PTPRJ: variants seen among roughly 807,000 people sequenced by gnomAD.
PTPRJ encodes receptor-type tyrosine-protein phosphatase eta.
In PTPRJ, 129 loss-of-function variants were observed where a neutral mutation model predicts 141.3. That is an observed-to-expected ratio of 0.91 (90% CI 0.79 to 1.06). The LOEUF (loss-of-function observed/expected upper bound fraction) is 1.06, where lower values mean the gene tolerates loss of function less well. PTPRJ is among the 50% of genes least tolerant of loss of function. PTPRJ has a pLI of 0.00. For missense variants in PTPRJ, 1,601 were observed against 1,679.7 expected (o/e 0.95, Z 0.82); for synonymous variants, 610 against 640.5 (o/e 0.95, Z 0.72).
chr11:47,984,307 T>C (rs1853990381), intron 1 of PTPRJ, among the ~76,000 whole-genome samples: 1 of 152,196 alleles, frequency 6.6e-6, no homozygotes, highest in Admixed American at 6.5e-5. Context: ...TGAACAACCG[T>C]AGGCCTGGGT....
intron 1 of PTPRJ, among the ~76,000 whole-genome samples, chr11:48,074,962 G>T (rs1855361486): frequency 6.6e-6 from 1 of 152,122 alleles, no homozygotes; most frequent in Non-Finnish European, 1.5e-5. Flanking sequence ...AAGGGGAAGT[G>T]ATGGCTGTCA....
intron 23 of PTPRJ, among the ~76,000 whole-genome samples, 183 bp downstream of exon 23, chr11:48,163,801 G>C (rs1857844502): frequency 6.6e-6 from 1 of 152,188 alleles, no homozygotes; most frequent in Non-Finnish European, 1.5e-5. Context: ...TTGGCAAACT[G>C]TAACCCATGG....
At chr11:48,070,130 T>C (rs912472498) in intron 1 of PTPRJ, among the ~76,000 whole-genome samples, 3 of 152,186 alleles carry the variant, frequency 2.0e-5, no homozygotes, top group African/African-American at 7.2e-5. Context: ...GGGCATCCAA[T>C]AAAATATGGT....
rs960845297 is a variant in PTPRJ, at chr11:48,163,621, A to G, written c.3719+3A>G. The stretch of plus-strand genomic sequence containing the variant: ...TCGCCGATTCTGGTGCATTGCAGGT[A>G]CGCAGATGGCACGTCACGTGTGACA... On this transcript the variant is annotated splice_donor_region_variant and intron_variant, in intron 23 of 24. Transcript: ENST00000418331. 2 of 1,611,008 alleles carry G rather than the reference A, an allele frequency of 1.2e-6. No individual in the cohort carries two copies. The highest frequency in any genetic ancestry group is 1.7e-6 in the Non-Finnish European group (2 of 1,177,094).
At chr11:48,064,777 C>T (rs904813752) in intron 1 of PTPRJ, among the ~76,000 whole-genome samples, 2 of 151,296 alleles carry the variant, frequency 1.3e-5, no homozygotes, top group African/African-American at 2.4e-5. Flanking sequence ...AACTGAGTCT[C>T]GCCCATCTAA....
chr11:48,033,177 G>T (rs1854031056), intron 1 of PTPRJ, among the ~76,000 whole-genome samples: 1 of 152,174 alleles, frequency 6.6e-6, no homozygotes, highest in East Asian at 1.9e-4. Context: ...GCCCCTCCTG[G>T]TGGGGGGCCA....
Position 47,998,975 on chromosome 11 carries a change from A to T in PTPRJ, c.96+17967A>T, listed in dbSNP as rs375390830. Reference sequence around the variant, plus strand: ...CTTATGGTCTGACTAGCCTCAAGCCAGCTGAGCTCATTGCCATGCAACTTG... The same window carrying T: ...CTTATGGTCTGACTAGCCTCAAGCCTGCTGAGCTCATTGCCATGCAACTTG... On this transcript the variant is annotated intron_variant, in intron 1 of 24. Transcript: ENST00000418331. 1.6e-4 allele frequency among the ~76,000 whole-genome samples: 24 copies of T among 152,358 alleles called. 3 individuals carry two copies. The highest frequency in any genetic ancestry group is 1.2e-3 in the Admixed American group (18 of 15,306).
In PTPRJ at chr11:48,110,096, C is replaced by G. The variant is rs1157218330; in HGVS notation, c.115+20C>G. 1 of 1,611,634 alleles carries G rather than the reference C, an allele frequency of 6.2e-7. No homozygotes were observed. The highest frequency in any genetic ancestry group is 2.2e-5 in the East Asian group (1 of 44,866). ...GTGGCAGTGAGTACCCTTTTCCTCT[C>G]TATTCTTGTGTTGTTCGCTACTGCC... On this transcript the variant is annotated intron_variant, in intron 2 of 24. Coordinates refer to ENST00000418331, the MANE Select transcript of PTPRJ (RefSeq NM_002843.4).
intron 2 of PTPRJ, among the ~76,000 whole-genome samples, chr11:48,110,522 G>C (rs1856412608): frequency 6.6e-6 from 1 of 152,176 alleles, no homozygotes; most frequent in African/African-American, 2.4e-5. Flanking sequence ...AGAAGTAGGA[G>C]TGAGGGTGGA....
chr11:48,027,470 TCCCC>T (rs952878599), intron 1 of PTPRJ, among the ~76,000 whole-genome samples: 4 of 151,558 alleles, frequency 2.6e-5, no homozygotes, highest in African/African-American at 9.7e-5. Flanking sequence ...TGGAACTGAA[TCCCC>T]TCCCTGTTCC....
intron 1 of PTPRJ, among the ~76,000 whole-genome samples, chr11:48,098,482 T>G (rs1392223659): frequency 1.3e-5 from 2 of 152,066 alleles, no homozygotes; most frequent in Non-Finnish European, 2.9e-5. Context: ...CCATCCTCTG[T>G]TGCCAGTGGA....
intron 1 of PTPRJ, among the ~76,000 whole-genome samples, chr11:48,094,923 T>C (rs1474764989): frequency 6.6e-6 from 1 of 152,116 alleles, no homozygotes; most frequent in Non-Finnish European, 1.5e-5. Flanking sequence ...CTTTCTGCCA[T>C]GTGAATCTTT....
At chr11:48,126,801 C>T (rs1490566954) in intron 6 of PTPRJ, among the ~76,000 whole-genome samples, 3 of 140,454 alleles carry the variant, frequency 2.1e-5, no homozygotes, top group East Asian at 2.1e-4. Flanking sequence ...CACACACACA[C>T]ACACACACAC....
At chr11:47,989,105 G>T (rs945847319) in intron 1 of PTPRJ, among the ~76,000 whole-genome samples, 1 of 150,746 alleles carries the variant, frequency 6.6e-6, no homozygotes, top group Admixed American at 6.6e-5. Flanking sequence ...GGATGGTCTC[G>T]ATCTCCTGAC....
At chr11:48,017,945 G>C (rs1854992708) in intron 1 of PTPRJ, among the ~76,000 whole-genome samples, 1 of 152,190 alleles carries the variant, frequency 6.6e-6, no homozygotes, top group East Asian at 1.9e-4. Context: ...ATGTAAATTA[G>C]TTCCTGCAAA....
At chr11:48,090,378 G>A (rs1855836521) in intron 1 of PTPRJ, among the ~76,000 whole-genome samples, 1 of 152,218 alleles carries the variant, frequency 6.6e-6, no homozygotes, top group Admixed American at 6.5e-5. Flanking sequence ...GCTCACACTG[G>A]TCTTGAAGGG....
intron 1 of PTPRJ, among the ~76,000 whole-genome samples, chr11:48,063,117 C>T (rs986513844): frequency 2.6e-5 from 4 of 152,146 alleles, no homozygotes; most frequent in Admixed American, 1.3e-4. Context: ...CACCTGAGGT[C>T]GGGAGTTTGA....
chr11:48,037,887 C>T (rs1854167671), intron 1 of PTPRJ, among the ~76,000 whole-genome samples: 1 of 151,986 alleles, frequency 6.6e-6, no homozygotes, highest in South Asian at 2.1e-4. Context: ...TACCTGCCAT[C>T]TCCTTTTCAC....
At chr11:48,052,694 G>A (rs1854605914) in intron 1 of PTPRJ, among the ~76,000 whole-genome samples, 1 of 152,168 alleles carries the variant, frequency 6.6e-6, no homozygotes, top group Non-Finnish European at 1.5e-5. Context: ...ACAGAGAAGA[G>A]CTTGGGGGAG....
Sources: allele counts gnomAD v4.1 joint callset (sites outside exome capture counted in the v4.1 genomes callset), GRCh38; gene constraint gnomAD v4.1.1; transcripts MANE v1.5; gene names NCBI Gene and HGNC (gene_info 2026-07-23, HGNC 2026-07-21).